ABCA13: variants seen among roughly 807,000 people sequenced by gnomAD.
The protein encoded by ABCA13 is ATP binding cassette subfamily A member 13.
Under a neutral mutation model 478.7 loss-of-function variants are expected in ABCA13, and 476 were observed. The ratio of observed to expected loss-of-function variants is 0.99; its 90% confidence interval spans 0.92 to 1.07. The LOEUF is 1.07. Ranked by LOEUF, ABCA13 falls within the 50% of genes least tolerant of loss-of-function variation. The probability of loss-of-function intolerance (pLI) is 0.00; values close to 1 mark genes in which losing one functional copy is unlikely to be tolerated. For missense variants in ABCA13, 6,060 were observed against 5,910.6 expected, an observed-to-expected ratio of 1.03 and a Z score of -0.83; for synonymous variants, 2,252 against 2,158.9, an observed-to-expected ratio of 1.04 and a Z score of -1.20.
intron 7 of ABCA13, among the ~76,000 whole-genome samples, chr7:48,232,785 A>G (rs1789351607): frequency 6.6e-6 from 1 of 152,200 alleles, no homozygotes. Context: ...GAACTCTGTG[A>G]GTAATTCTAA....
intron 29 of ABCA13, among the ~76,000 whole-genome samples, chr7:48,345,509 G>T (rs1807935399): frequency 2.0e-5 from 1 of 49,928 alleles, no homozygotes; most frequent in Non-Finnish European, 3.8e-5. Flanking sequence ...TTGTGAGTTA[G>T]TTTTTAACAA....
At position 48,454,919 on chromosome 7, in the gene ABCA13, C is replaced by G. The variant is rs975102387; in HGVS notation, c.12566-118C>G. The G allele has an allele frequency of 6.7e-6, 9 of 1,349,272 alleles. No individual in the cohort carries two copies. The African/African-American group carries it at 1.2e-4, about 18-fold the overall frequency. The allele number at this position is 1,349,272 out of a possible 1,614,324, so 83.6% of individuals were successfully genotyped here. On this transcript the variant is annotated intron_variant, in intron 42 of 61. Coordinates refer to ENST00000435803, the MANE Select transcript of ABCA13 (RefSeq NM_152701.5). ...TCAAGGGAGTCCTCATGGGGTGGGCCTGCGTCGCATTCCCATGGCTGCGAG... is the reference window on the plus strand; with the variant it reads ...TCAAGGGAGTCCTCATGGGGTGGGCGTGCGTCGCATTCCCATGGCTGCGAG...
chr7:48,553,512 G>A lies in ABCA13; in HGVS notation c.14354+25167G>A, dbSNP rs114867531. Among the ~76,000 whole-genome samples, 1,115 of 152,076 alleles carry A rather than the reference G, an allele frequency of 7.3e-3. 9 individuals carry two copies. Among genetic ancestry groups the A allele is most frequent in the African/African-American group, 0.025 (1,054 of 41,510 alleles). On this transcript the variant is annotated intron_variant, in intron 55 of 61. Transcript: ENST00000435803. ...CTTTTGGATAAAAGCCATTTTAACTGGGGTGAGATATCTTTTTGTAGTTTT... is the reference window on the plus strand; with the variant it reads ...CTTTTGGATAAAAGCCATTTTAACTAGGGTGAGATATCTTTTTGTAGTTTT...
intron 23 of ABCA13, among the ~76,000 whole-genome samples, chr7:48,303,890 A>G (rs1800518888): frequency 6.6e-6 from 1 of 152,206 alleles, no homozygotes; most frequent in South Asian, 2.1e-4. Flanking sequence ...ACCATGGCAT[A>G]GGAAGGTATA....
At chr7:48,338,313 A>G (rs549739383) in intron 28 of ABCA13, 52 bp from the exon 29 acceptor site, 42 of 1,316,908 alleles carry the variant, frequency 3.2e-5, no homozygotes, top group Non-Finnish European at 4.0e-5. Flanking sequence ...GTATTATTCA[A>G]TAATACGAAA....
At chr7:48,574,737 T>C (rs1454280357) in intron 55 of ABCA13, among the ~76,000 whole-genome samples, 1 of 152,336 alleles carries the variant, frequency 6.6e-6, no homozygotes, top group East Asian at 1.9e-4. Context: ...TCATTACTTC[T>C]TCTTCCTCAT....
At chr7:48,633,581 A>C (rs549417857) in intron 59 of ABCA13, among the ~76,000 whole-genome samples, 1 of 152,200 alleles carries the variant, frequency 6.6e-6, no homozygotes, top group South Asian at 2.1e-4. Flanking sequence ...ATGGAATATA[A>C]AAAATAAAAA....
At chr7:48,544,600 G>A (rs1218899823) in intron 55 of ABCA13, among the ~76,000 whole-genome samples, 1 of 151,902 alleles carries the variant, frequency 6.6e-6, no homozygotes, top group African/African-American at 2.4e-5. Context: ...GTGGTTCCCA[G>A]AGAGGGATGG....
chr7:48,262,327 A>G (rs1275174809), intron 15 of ABCA13, among the ~76,000 whole-genome samples: 1 of 151,774 alleles, frequency 6.6e-6, no homozygotes, highest in South Asian at 2.1e-4. Context: ...GTGTGTTAGA[A>G]TTCATTCTTG....
intron 55 of ABCA13, among the ~76,000 whole-genome samples, chr7:48,569,534 G>A (rs1384111981): frequency 6.6e-6 from 1 of 151,960 alleles, no homozygotes; most frequent in African/African-American, 2.4e-5. Flanking sequence ...TTGTTTGTTT[G>A]TTTGTTTTTT....
At position 48,608,478 on chromosome 7, in the gene ABCA13, C is replaced by T. The variant is rs75877690; in HGVS notation, c.14745-6807C>T. 1.3e-3 allele frequency among the ~76,000 whole-genome samples: 199 copies of T among 152,302 alleles called. 2 individuals are homozygous for T. The highest frequency in any genetic ancestry group is 4.4e-3 in the African/African-American group (184 of 41,560). ...AATCTCAGCTGCACATACATGCAGCCGCAGCTATATGCATGCTACATCCAC... is the reference window on the plus strand; with the variant it reads ...AATCTCAGCTGCACATACATGCAGCTGCAGCTATATGCATGCTACATCCAC... On this transcript the variant is annotated intron_variant, in intron 58 of 61. Coordinates refer to ENST00000435803, the MANE Select transcript of ABCA13 (RefSeq NM_152701.5).
At chr7:48,606,293 G>A (rs1459090161) in intron 58 of ABCA13, among the ~76,000 whole-genome samples, 1 of 152,122 alleles carries the variant, frequency 6.6e-6, no homozygotes, top group Non-Finnish European at 1.5e-5. Context: ...GAGAAGAGGT[G>A]TTCTGGTTTT....
In ABCA13 at chr7:48,279,656, G is replaced by C; in HGVS notation, c.8462G>C (p.Ser2821Thr). The change falls in exon 18 of 62, where the codon AGT becomes ACT. Residue 2821 changes from serine (S) to threonine (T), a missense_variant. Transcript: ENST00000435803. ...GAAAAAGCAATCCATAATGTTTTAA[G>C]TAGAATAGCTCTCTGGAGGAAAGGA... ...QLEKAIHNVL[S>T]RIALWRKGLL... 6.2e-7 allele frequency: 1 copy of C among 1,613,360 alleles called. No individual in the cohort carries two copies. Among genetic ancestry groups the C allele is most frequent in the Non-Finnish European group, 8.5e-7 (1 of 1,179,718 alleles).
intron 38 of ABCA13, among the ~76,000 whole-genome samples, chr7:48,397,489 G>A (rs1816997578): frequency 6.7e-6 from 1 of 150,184 alleles, no homozygotes; most frequent in African/African-American, 2.4e-5. Flanking sequence ...AAAAAAAAAA[G>A]AATATGGTAG....
chr7:48,544,899 A>G (rs964487703), intron 55 of ABCA13, among the ~76,000 whole-genome samples: 1 of 151,868 alleles, frequency 6.6e-6, no homozygotes, highest in African/African-American at 2.4e-5. Flanking sequence ...CTGCAGGCAG[A>G]TAGGGTCAGA....
At chr7:48,395,023 G>A (rs181240166) in intron 38 of ABCA13, among the ~76,000 whole-genome samples, 79 of 152,298 alleles carry the variant, frequency 5.2e-4, no homozygotes, top group African/African-American at 1.8e-3. Context: ...TGACTGCAGT[G>A]GGTGGGCTGC....
intron 42 of ABCA13, among the ~76,000 whole-genome samples, chr7:48,436,703 T>C (rs772864024): frequency 2.6e-5 from 4 of 151,874 alleles, no homozygotes; most frequent in Non-Finnish European, 1.5e-5. Context: ...CCCAGAAATT[T>C]TGGTATGTTG....
At chr7:48,334,510 A>AT (rs1364386023) in intron 27 of ABCA13, among the ~76,000 whole-genome samples, 3 of 151,702 alleles carry the variant, frequency 2.0e-5, no homozygotes, top group Non-Finnish European at 2.9e-5. Context: ...AATTTTTTGT[A>AT]TTTTTTAGTA....
intron 55 of ABCA13, among the ~76,000 whole-genome samples, chr7:48,558,195 C>G (rs1786058996): frequency 7.3e-6 from 1 of 136,176 alleles, no homozygotes; most frequent in South Asian, 2.8e-4. Context: ...TCCTTCCTTC[C>G]TCTCTCTCTC....
Sources: allele counts gnomAD v4.1 joint callset (sites outside exome capture counted in the v4.1 genomes callset), GRCh38; gene constraint gnomAD v4.1.1; transcripts MANE v1.5; gene names NCBI Gene and HGNC (gene_info 2026-07-23, HGNC 2026-07-21).